RAB28: variants seen among roughly 807,000 people sequenced by gnomAD.
The protein encoded by RAB28 is ras-related protein Rab-28.
RAB28 carries 24 observed loss-of-function variants against 31.7 expected under a neutral mutation model. The ratio of observed to expected loss-of-function variants is 0.76; its 90% CI spans 0.55 to 1.06. The LOEUF (loss-of-function observed/expected upper bound fraction) is 1.06. RAB28 is among the 50% of genes least tolerant of loss of function. RAB28 has a pLI of 0.00. For missense variants in RAB28, 254 were observed against 258.5 expected (o/e 0.98, Z 0.12); for synonymous variants, 100 against 90.4 (o/e 1.11, Z -0.60).
intron 4 of RAB28, among the ~76,000 whole-genome samples, chr4:13,415,254 A>T (rs952326444): frequency 6.6e-5 from 10 of 152,200 alleles, no homozygotes; most frequent in African/African-American, 1.9e-4. Flanking sequence ...CAGCCCTCAC[A>T]GCCCTTGCTC....
In RAB28 at chr4:13,368,694, T is replaced by A. The variant is rs745766648; in HGVS notation, c.574-44A>T. The A allele has an allele frequency of 4.6e-6, 7 of 1,518,176 alleles. No homozygotes were observed. The Admixed American group carries it at 1.3e-4, about 28-fold the overall frequency. 94.0% of individuals were successfully genotyped at this position (1,518,176 alleles called of 1,614,324 possible). ...GAGTTATTATCAGGATATCAGAACATTTAGAAAGAGCTCCTTAAAGTATAT... is the reference window on the plus strand; with the variant it reads ...GAGTTATTATCAGGATATCAGAACAATTAGAAAGAGCTCCTTAAAGTATAT... On this transcript the variant is annotated intron_variant, in intron 6 of 6. Coordinates refer to ENST00000330852, the MANE Select transcript of RAB28 (RefSeq NM_001017979.3).
At chr4:13,477,459 T>C (rs1716410812) in intron 2 of RAB28, among the ~76,000 whole-genome samples, 1 of 151,650 alleles carries the variant, frequency 6.6e-6, no homozygotes, top group African/African-American at 2.4e-5. Flanking sequence ...TTAATCATCC[T>C]ACATGTGACA....
intron 4 of RAB28, among the ~76,000 whole-genome samples, chr4:13,411,483 G>C (rs1482323020): frequency 6.6e-6 from 1 of 151,994 alleles, no homozygotes; most frequent in South Asian, 2.1e-4. Context: ...GAAAAATTAA[G>C]ATTAACAAAA....
intron 3 of RAB28, among the ~76,000 whole-genome samples, chr4:13,470,070 C>T (rs1716047094): frequency 6.6e-6 from 1 of 152,054 alleles, no homozygotes; most frequent in Non-Finnish European, 1.5e-5. Context: ...AATAGTTCGT[C>T]AGTGTAACAC....
chr4:13,385,517 A>G (rs545331219), intron 4 of RAB28, among the ~76,000 whole-genome samples: 1 of 152,286 alleles, frequency 6.6e-6, no homozygotes, highest in African/African-American at 2.4e-5. Context: ...AGAAACCCTA[A>G]AGGCCAGAAG....
intron 6 of RAB28, chr4:13,371,034 G>T (rs1728693260): frequency 1.0e-6 from 1 of 983,610 alleles, no homozygotes; most frequent in Non-Finnish European, 1.2e-6. Context: ...CTTCATAATA[G>T]CATCTATTAA....
intron 3 of RAB28, among the ~76,000 whole-genome samples, chr4:13,468,287 C>A (rs1715962610): frequency 6.6e-6 from 1 of 151,938 alleles, no homozygotes; most frequent in Admixed American, 6.6e-5. Flanking sequence ...AGAATACGTA[C>A]TATTCCCTAG....
intron 4 of RAB28, among the ~76,000 whole-genome samples, chr4:13,441,079 C>A (rs781346212): frequency 6.6e-6 from 1 of 152,032 alleles, no homozygotes; most frequent in Non-Finnish European, 1.5e-5. Flanking sequence ...TACAAAAGTA[C>A]TAAATTAGAT....
chr4:13,421,782 T>A (rs1479172691), intron 4 of RAB28, among the ~76,000 whole-genome samples: 1 of 152,158 alleles, frequency 6.6e-6, no homozygotes, highest in Non-Finnish European at 1.5e-5. Context: ...ATGTTAGACC[T>A]AAAACCATAA....
chr4:13,439,638 G>C (rs1417414156), intron 4 of RAB28, among the ~76,000 whole-genome samples: 1 of 152,134 alleles, frequency 6.6e-6, no homozygotes, highest in Non-Finnish European at 1.5e-5. Flanking sequence ...TAAGCACTTG[G>C]CCCAAGGTCA....
At chr4:13,408,872 T>C (rs2108907443) in intron 4 of RAB28, among the ~76,000 whole-genome samples, 1 of 152,328 alleles carries the variant, frequency 6.6e-6, no homozygotes, top group South Asian at 2.1e-4. Flanking sequence ...ATACAAATGA[T>C]GTATTTTAAA....
intron 3 of RAB28, among the ~76,000 whole-genome samples, chr4:13,463,531 T>C (rs1715700568): frequency 6.6e-6 from 1 of 152,154 alleles, no homozygotes; most frequent in Admixed American, 6.5e-5. Context: ...AGAGACAACA[T>C]GGCCTGCAAA....
intron 4 of RAB28, among the ~76,000 whole-genome samples, chr4:13,389,404 C>T (rs1729526948): frequency 6.6e-6 from 1 of 152,090 alleles, no homozygotes; most frequent in Non-Finnish European, 1.5e-5. Context: ...ACTACAGTAA[C>T]ACTACTGAAC....
In RAB28 at chr4:13,428,372, A is replaced by T. The variant is rs1427769542; in HGVS notation, c.391+32327T>A. 2.6e-5 allele frequency among the ~76,000 whole-genome samples: 4 copies of T among 152,230 alleles called. No homozygotes were observed. In the East Asian group the frequency reaches 7.7e-4, roughly 29 times the overall value. Reference sequence around the variant, plus strand: ...TGTCTGCCAAAGTAAAAAAGAAGAAAATCCAGTCCTGAAGAGTATAAAATG... The same window carrying T: ...TGTCTGCCAAAGTAAAAAAGAAGAATATCCAGTCCTGAAGAGTATAAAATG... On this transcript the variant is annotated intron_variant, in intron 4 of 6. Transcript: ENST00000330852.
chr4:13,449,143 A>C (rs1218984616), intron 4 of RAB28, among the ~76,000 whole-genome samples: 1 of 152,018 alleles, frequency 6.6e-6, no homozygotes, highest in East Asian at 1.9e-4. Context: ...AGCTCTCTTA[A>C]ACAAATTGGT....
chr4:13,483,621 G>C (rs1716718580), intron 1 of RAB28, among the ~76,000 whole-genome samples: 1 of 152,204 alleles, frequency 6.6e-6, no homozygotes, highest in Non-Finnish European at 1.5e-5. Flanking sequence ...CGACGACTAA[G>C]TGGCAGAGCC....
At chr4:13,409,806 T>C (rs1434761405) in intron 4 of RAB28, among the ~76,000 whole-genome samples, 1 of 152,218 alleles carries the variant, frequency 6.6e-6, no homozygotes, top group Non-Finnish European at 1.5e-5. Context: ...ATTTCCACTT[T>C]AGCCAAATTA....
At position 13,396,062 on chromosome 4, in the gene RAB28, C is replaced by A. The variant is rs190340151; in HGVS notation, c.392-14468G>T. ...AACTATTTTTGCTCTTCAGTCCATA[C>A]ATAATGGCAGGAACAGAGTATTCTC... On this transcript the variant is annotated intron_variant, in intron 4 of 6. Coordinates refer to ENST00000330852, the MANE Select transcript of RAB28 (RefSeq NM_001017979.3). Among the ~76,000 whole-genome samples, 62 of 152,070 alleles carry A rather than the reference C, an allele frequency of 4.1e-4. 1 individual carries two copies. Among genetic ancestry groups the A allele is most frequent in the Admixed American group, 3.0e-3 (46 of 15,280 alleles).
At chr4:13,478,358 T>C (rs1716459554) in intron 2 of RAB28, among the ~76,000 whole-genome samples, 1 of 151,538 alleles carries the variant, frequency 6.6e-6, no homozygotes, top group Non-Finnish European at 1.5e-5. Flanking sequence ...GGATATCTCC[T>C]AATCTATTTT....
Sources: gnomAD v4.1 joint callset for allele counts (sites outside exome capture counted in the v4.1 genomes callset) on GRCh38, gnomAD v4.1.1 for gene constraint, MANE v1.5 for transcripts, NCBI Gene and HGNC (gene_info 2026-07-23, HGNC 2026-07-21) for gene names.